EREG: variants seen among roughly 807,000 people sequenced by gnomAD.
The protein encoded by EREG is proepiregulin.
Under a neutral mutation model 22.4 loss-of-function variants are expected in EREG, and 23 were observed. That is an observed-to-expected ratio of 1.03 (90% CI 0.74 to 1.46). The LOEUF (loss-of-function observed/expected upper bound fraction) is 1.46, where lower values mean the gene tolerates loss of function less well. Among genes scored for constraint, EREG ranks in the 40% most tolerant of loss-of-function variants. EREG has a pLI of 0.00. For synonymous variants in EREG, 100 were observed against 75.4 expected (o/e 1.33, Z -1.69); for missense variants, 226 against 205.9 (o/e 1.10, Z -0.60).
At chr4:74,380,354 A>G (rs1478762094) in intron 2 of EREG, among the ~76,000 whole-genome samples, 1 of 152,082 alleles carries the variant, frequency 6.6e-6, no homozygotes, top group East Asian at 1.9e-4. Flanking sequence ...AGCATCTTTC[A>G]CATTTTGGTA....
intron 1 of EREG, among the ~76,000 whole-genome samples, chr4:74,377,343 T>C (rs1487759938): frequency 2.0e-5 from 3 of 152,180 alleles, no homozygotes; most frequent in Non-Finnish European, 4.4e-5. Flanking sequence ...ATACTCTACT[T>C]CAATTACAGC....
intron 1 of EREG, among the ~76,000 whole-genome samples, chr4:74,373,931 C>T (rs1198169907): frequency 6.6e-6 from 1 of 152,090 alleles, no homozygotes; most frequent in Non-Finnish European, 1.5e-5. Flanking sequence ...CATCCAAAAA[C>T]AGTGAAGGCA....
chr4:74,375,974 C>T (rs188777406), intron 1 of EREG, among the ~76,000 whole-genome samples: 1 of 152,116 alleles, frequency 6.6e-6, no homozygotes, highest in African/African-American at 2.4e-5. Context: ...CTATCCTGAG[C>T]GATGGACTGT....
chr4:74,378,641 C>A (rs926507276), intron 1 of EREG, among the ~76,000 whole-genome samples: 1 of 151,870 alleles, frequency 6.6e-6, no homozygotes, highest in Non-Finnish European at 1.5e-5. Flanking sequence ...GTTTGAAGTG[C>A]AAATACCTAA....
At chr4:74,383,594 T>C (rs1021461954) in intron 4 of EREG, among the ~76,000 whole-genome samples, 30 of 152,200 alleles carry the variant, frequency 2.0e-4, no homozygotes, top group African/African-American at 5.8e-4. Flanking sequence ...ACAGTGTGAA[T>C]TAATTAATAA....
rs767691940 is a variant in EREG at position 74,382,651 on chromosome 4, A to G, written c.285A>G (p.Glu95=). ...VDMSQNYCRC[E]VGYTGVRCEH... is the part of the protein sequence containing the mutation. ...CTTCCGTATTTTCCTTCAGGTGTGA[A>G]GTGGGTTATACTGGTGTCCGATGTG... The change falls in exon 4 of 5, where the codon GAA becomes GAG. Residue 95 remains glutamate, a synonymous_variant. Coordinates refer to ENST00000244869, the MANE Select transcript of EREG (RefSeq NM_001432.3). 1 of 1,584,710 alleles carries G rather than the reference A, an allele frequency of 6.3e-7. No homozygotes were observed. The highest frequency in any genetic ancestry group is 8.6e-7 in the Non-Finnish European group (1 of 1,168,618).
At chr4:74,368,704 A>G (rs1752241564) in intron 1 of EREG, among the ~76,000 whole-genome samples, 1 of 152,218 alleles carries the variant, frequency 6.6e-6, no homozygotes, top group Non-Finnish European at 1.5e-5. Flanking sequence ...TTCAAAGAGA[A>G]TGTAAATTAA....
chr4:74,382,019 T>C (rs1470249307), intron 3 of EREG: 1 of 137,504 alleles, frequency 7.3e-6, no homozygotes, highest in East Asian at 2.1e-4. Context: ...AAGAATTGAT[T>C]CCAGGCCAGG....
chr4:74,375,383 A>G (rs1752363471), intron 1 of EREG, among the ~76,000 whole-genome samples: 1 of 121,364 alleles, frequency 8.2e-6, no homozygotes, highest in Non-Finnish European at 1.6e-5. Context: ...CAGTGGCGCG[A>G]TCTCCGCTCC....
At chr4:74,371,530 G>A (rs1413587525) in intron 1 of EREG, among the ~76,000 whole-genome samples, 1 of 151,244 alleles carries the variant, frequency 6.6e-6, no homozygotes, top group Non-Finnish European at 1.5e-5. Flanking sequence ...TCTTTTCTTT[G>A]CCACTTCTGT....
At position 74,384,894 on chromosome 4, in the gene EREG, G is replaced by T; in HGVS notation, c.*86G>T. 3 of 782,838 alleles carry T rather than the reference G, an allele frequency of 3.8e-6. No homozygotes were observed. The highest frequency in any genetic ancestry group is 1.8e-5 in the South Asian group (1 of 55,700). The allele number at this position is 782,838 out of a possible 1,614,324, so 48.5% of individuals were successfully genotyped here. A position where few individuals can be genotyped will look rare whatever the true frequency, so the allele number is the denominator to read the frequency against. ...ATTTTATTAATAATATTTATGTTGG[G>T]TCAAGTGTTAGGTCAATAACACTGT... On this transcript the variant is annotated 3_prime_UTR_variant, in exon 5 of 5. Transcript: ENST00000244869.
At chr4:74,382,432 C>A in intron 3 of EREG, 3 of 435,734 alleles carry the variant, frequency 6.9e-6, no homozygotes, top group Non-Finnish European at 1.2e-5. Context: ...TGAACACAAC[C>A]GTCATTTTAA....
intron 2 of EREG, among the ~76,000 whole-genome samples, chr4:74,379,889 A>G (rs1171379347): frequency 6.6e-6 from 1 of 152,202 alleles, no homozygotes; most frequent in Non-Finnish European, 1.5e-5. Context: ...AACTTTGTAC[A>G]GAATAGGTTC....
At chr4:74,384,607 C>A in intron 4 of EREG, 120 bp from the exon 5 acceptor site, 13 of 448,080 alleles carry the variant, frequency 2.9e-5, no homozygotes, top group Non-Finnish European at 4.5e-5. Flanking sequence ...CAACCTAAAT[C>A]TGTTCAACTT....
chr4:74,369,163 A>G (rs536148305), intron 1 of EREG, among the ~76,000 whole-genome samples: 1 of 152,314 alleles, frequency 6.6e-6, no homozygotes, highest in South Asian at 2.1e-4. Context: ...TAAAAATTTC[A>G]GTAGCATTTG....
chr4:74,366,481 C>T (rs1752186711), intron 1 of EREG, among the ~76,000 whole-genome samples: 1 of 152,092 alleles, frequency 6.6e-6, no homozygotes, highest in African/African-American at 2.4e-5. Context: ...GTGGTTTCTG[C>T]CAAAACTGAG....
chr4:74,373,264 A>G (rs1285345730), intron 1 of EREG, among the ~76,000 whole-genome samples: 2 of 152,112 alleles, frequency 1.3e-5, no homozygotes, highest in East Asian at 1.9e-4. Flanking sequence ...GATAATATGT[A>G]AGCGAAATAT....
At chr4:74,384,609 G>C in intron 4 of EREG, 118 bp from the exon 5 acceptor site, 1 of 423,074 alleles carries the variant, frequency 2.4e-6, no homozygotes. Context: ...ACCTAAATCT[G>C]TTCAACTTTG....
In EREG at chr4:74,365,200, G is replaced by T; in HGVS notation, c.-109G>T. 1 of 827,482 alleles carries T rather than the reference G, an allele frequency of 1.2e-6. No individual in the cohort carries two copies. The highest frequency in any genetic ancestry group is 2.0e-5 in the Admixed American group (1 of 49,802). The allele number at this position is 827,482 out of a possible 1,614,324, so 51.3% of individuals were successfully genotyped here. On this transcript the variant is annotated 5_prime_UTR_variant, in exon 1 of 5. It adds an upstream start codon to the 5' untranslated region. Transcript: ENST00000244869. ...CACAGCCAACGTGGGGTCCCTTCTAGGCTGACAGCCGCTCTCCAGCCACTG... is the reference window on the plus strand; with the variant it reads ...CACAGCCAACGTGGGGTCCCTTCTATGCTGACAGCCGCTCTCCAGCCACTG...
Sources: gnomAD v4.1 joint callset for allele counts (sites outside exome capture counted in the v4.1 genomes callset) on GRCh38, gnomAD v4.1.1 for gene constraint, MANE v1.5 for transcripts, NCBI Gene and HGNC (gene_info 2026-07-23, HGNC 2026-07-21) for gene names.